UGT1A8: variants seen among roughly 807,000 people sequenced by gnomAD.
The protein encoded by UGT1A8 is UDP glucuronosyltransferase family 1 member A8, also known as UDP-glucuronosyltransferase 1A8.
UGT1A8 carries 39 observed loss-of-function variants against 45.3 expected under a neutral mutation model. The observed-to-expected ratio is 0.86, with a 90% confidence interval of 0.67 to 1.12. The LOEUF is 1.12. Among genes scored for constraint, UGT1A8 ranks in the 50% most tolerant of loss-of-function variants. UGT1A8 has a pLI of 0.00. For missense variants in UGT1A8, 719 were observed against 664.9 expected, an observed-to-expected ratio of 1.08 and a Z score of -0.90; for synonymous variants, 275 against 249.2, an observed-to-expected ratio of 1.10 and a Z score of -0.97.
chr2:233,734,931 C>T (rs921627257), intron 1 of UGT1A8, among the ~76,000 whole-genome samples: 9 of 152,162 alleles, frequency 5.9e-5, no homozygotes, highest in Non-Finnish European at 8.8e-5. Flanking sequence ...GCTTTACTTA[C>T]AATCATATGG....
intron 1 of UGT1A8, chr2:233,740,670 G>C (rs915333505): frequency 4.0e-5 from 6 of 151,870 alleles, no homozygotes; most frequent in African/African-American, 1.5e-4. Flanking sequence ...AGGTACAGGT[G>C]TTTCCATGGA....
rs1328380095 is a variant in UGT1A8, at chr2:233,769,540, G to A, written c.1295+1101G>A. On this transcript the variant is annotated intron_variant, in intron 4 of 4. Coordinates refer to ENST00000373450, the MANE Select transcript of UGT1A8 (RefSeq NM_019076.5). The surrounding 1 kb of genome is among the most constrained non-coding windows in gnomAD (Gnocchi z 4.4). ...TGGTTACCTCCTTTAGAAAGAAGCA[G>A]CAGTCAGGAAGACAGATGTGAAGAG... The A allele has an allele frequency of 1.9e-6, 3 of 1,612,926 alleles. No homozygotes were observed. In the South Asian group the frequency reaches 3.3e-5, roughly 18 times the overall value.
chr2:233,724,950 A>C (rs2077335462), intron 1 of UGT1A8, among the ~76,000 whole-genome samples: 2 of 143,906 alleles, frequency 1.4e-5, no homozygotes, highest in Non-Finnish European at 1.5e-5. Flanking sequence ...CAATCCCGGC[A>C]CCTCGGGAGG....
chr2:233,724,528 C>G (rs1239231307), intron 1 of UGT1A8, among the ~76,000 whole-genome samples: 1 of 112,802 alleles, frequency 8.9e-6, no homozygotes, highest in African/African-American at 3.8e-5. Flanking sequence ...GATGGGGTCT[C>G]GCCGGGCAGA....
intron 1 of UGT1A8, among the ~76,000 whole-genome samples, chr2:233,712,123 G>A (rs533419380): frequency 6.6e-6 from 1 of 152,342 alleles, no homozygotes; most frequent in South Asian, 2.1e-4. Flanking sequence ...ACTTGCAGAA[G>A]ACTGGAGCCT....
At chr2:233,736,786 G>A (rs774557184) in intron 1 of UGT1A8, among the ~76,000 whole-genome samples, 1 of 152,166 alleles carries the variant, frequency 6.6e-6, no homozygotes, top group Non-Finnish European at 1.5e-5. Context: ...CTCAGCTGCA[G>A]GTCTGTTGGA....
At chr2:233,636,546 C>T in intron 1 of UGT1A8, 1 of 1,613,920 alleles carries the variant, frequency 6.2e-7, no homozygotes, top group African/African-American at 1.3e-5. Flanking sequence ...GGTGGACCAG[C>T]CCCGTTCCTT....
At chr2:233,646,261 G>A (rs2073599580) in intron 1 of UGT1A8, among the ~76,000 whole-genome samples, 1 of 152,188 alleles carries the variant, frequency 6.6e-6, no homozygotes, top group African/African-American at 2.4e-5. Flanking sequence ...TTTCCTCCTA[G>A]GCCTCCAGGC....
At chr2:233,736,636 C>T (rs1288684741) in intron 1 of UGT1A8, among the ~76,000 whole-genome samples, 1 of 152,166 alleles carries the variant, frequency 6.6e-6, no homozygotes, top group Non-Finnish European at 1.5e-5. Context: ...GCTCTAGTTT[C>T]CCCCCATCTT....
intron 1 of UGT1A8, among the ~76,000 whole-genome samples, chr2:233,646,235 T>C (rs529367829): frequency 6.6e-6 from 1 of 152,196 alleles, no homozygotes; most frequent in Non-Finnish European, 1.5e-5. Flanking sequence ...CCTGGGCCTG[T>C]CACACAAAAC....
chr2:233,743,766 C>G (rs750440547), intron 1 of UGT1A8: 10 of 1,367,368 alleles, frequency 7.3e-6, no homozygotes, highest in Non-Finnish European at 9.8e-6. Flanking sequence ...TCGTAGGCCT[C>G]GGCCACCTGC....
chr2:233,678,439 A>G (rs1002167631), intron 1 of UGT1A8, among the ~76,000 whole-genome samples: 1 of 152,154 alleles, frequency 6.6e-6, no homozygotes, highest in Non-Finnish European at 1.5e-5. Flanking sequence ...GAGGCAGAAG[A>G]GGTAGAGGAG....
At chr2:233,634,941 G>A (rs1312502906) in intron 1 of UGT1A8, among the ~76,000 whole-genome samples, 2 of 150,716 alleles carry the variant, frequency 1.3e-5, no homozygotes, top group African/African-American at 4.9e-5. Flanking sequence ...GGCTGGTACC[G>A]GTTTTTTCTT....
intron 1 of UGT1A8, among the ~76,000 whole-genome samples, chr2:233,695,593 C>G (rs1462194089): frequency 1.3e-5 from 2 of 151,798 alleles, no homozygotes; most frequent in Non-Finnish European, 2.9e-5. Flanking sequence ...CCCTTTCCAC[C>G]TTCTGGTAAT....
chr2:233,639,300 T>C (rs959351382), intron 1 of UGT1A8, among the ~76,000 whole-genome samples: 10 of 152,230 alleles, frequency 6.6e-5, no homozygotes, highest in Non-Finnish European at 1.0e-4. Context: ...TATATTAATG[T>C]ATATTTTTAT....
intron 1 of UGT1A8, among the ~76,000 whole-genome samples, chr2:233,710,083 T>C (rs1270176651): frequency 6.6e-6 from 1 of 152,240 alleles, no homozygotes; most frequent in Non-Finnish European, 1.5e-5. Flanking sequence ...TCCTTTCACA[T>C]TGTTGCATGT....
intron 1 of UGT1A8, among the ~76,000 whole-genome samples, chr2:233,631,716 G>T (rs1350336798): frequency 6.6e-6 from 1 of 151,950 alleles, no homozygotes; most frequent in Non-Finnish European, 1.5e-5. Context: ...TAAGTTCCTT[G>T]TAGATTCAGG....
chr2:233,670,537 A>G (rs2074161639), intron 1 of UGT1A8, among the ~76,000 whole-genome samples: 1 of 151,998 alleles, frequency 6.6e-6, no homozygotes, highest in East Asian at 1.9e-4. Context: ...TTTAATAGGA[A>G]TTTGTTTTCT....
intron 1 of UGT1A8, among the ~76,000 whole-genome samples, chr2:233,749,386 A>T (rs1303750912): frequency 1.3e-5 from 2 of 151,906 alleles, no homozygotes; most frequent in African/African-American, 2.4e-5. Context: ...CAGTTTTTCA[A>T]TGTGAACATA....
Sources: gnomAD v4.1 joint callset for allele counts (sites outside exome capture counted in the v4.1 genomes callset) on GRCh38, gnomAD v4.1.1 for gene constraint, Gnocchi (gnomAD v3.1) non-coding constraint, MANE v1.5 for transcripts, NCBI Gene and HGNC (gene_info 2026-07-23, HGNC 2026-07-21) for gene names.